The following MRPS27 variants were observed in gnomAD, a reference collection of about 807,000 sequenced individuals.
The protein encoded by MRPS27 is small ribosomal subunit protein mS27.
In MRPS27, 43 loss-of-function variants were observed where a neutral mutation model predicts 48.9. The ratio of observed to expected loss-of-function variants is 0.88; its 90% CI spans 0.69 to 1.13. MRPS27 has a LOEUF of 1.13. Among genes scored for constraint, MRPS27 ranks in the 50% most tolerant of loss-of-function variants. The pLI is 0.00. For synonymous variants in MRPS27, 188 were observed against 171.9 expected (o/e 1.09, Z -0.73); for missense variants, 467 against 476.3 (o/e 0.98, Z 0.18).
intron 4 of MRPS27, among the ~76,000 whole-genome samples, chr5:72,279,629 C>G (rs572867053): frequency 6.6e-6 from 1 of 151,788 alleles, no homozygotes; most frequent in African/African-American, 2.4e-5. Context: ...ACAACAACAA[C>G]AAAAACCATT....
intron 4 of MRPS27, among the ~76,000 whole-genome samples, chr5:72,285,495 C>T (rs1239133563): frequency 2.0e-5 from 3 of 152,112 alleles, no homozygotes; most frequent in Admixed American, 1.3e-4. Flanking sequence ...TGATCTTCAA[C>T]CATCTAATAA....
chr5:72,292,660 G>C (rs1395142114), intron 4 of MRPS27, among the ~76,000 whole-genome samples: 2 of 152,158 alleles, frequency 1.3e-5, no homozygotes, highest in Non-Finnish European at 2.9e-5. Flanking sequence ...GATCATTCAA[G>C]GTTTCTAAAC....
At chr5:72,262,462 A>G (rs1749007316) in intron 4 of MRPS27, among the ~76,000 whole-genome samples, 1 of 152,236 alleles carries the variant, frequency 6.6e-6, no homozygotes, top group African/African-American at 2.4e-5. Flanking sequence ...AGAATTCAGC[A>G]AACAATAAAT....
chr5:72,256,064 T>G (rs1348944337), intron 4 of MRPS27, among the ~76,000 whole-genome samples: 1 of 152,244 alleles, frequency 6.6e-6, no homozygotes, highest in African/African-American at 2.4e-5. Flanking sequence ...GTTTCTCTCC[T>G]GATCCTGGAA....
At chr5:72,241,165 T>C (rs933095402) in intron 4 of MRPS27, among the ~76,000 whole-genome samples, 1 of 152,196 alleles carries the variant, frequency 6.6e-6, no homozygotes, top group Non-Finnish European at 1.5e-5. Flanking sequence ...TGCCTCCTTC[T>C]TTATTTCTGT....
At chr5:72,264,469 G>A (rs1749060897) in intron 4 of MRPS27, among the ~76,000 whole-genome samples, 1 of 152,270 alleles carries the variant, frequency 6.6e-6, no homozygotes, top group African/African-American at 2.4e-5. Flanking sequence ...AAAAATATAG[G>A]TTGAAGTTCT....
intron 1 of MRPS27, 104 bp from the exon 2 acceptor site, chr5:72,314,262 ATATTTTAAATAATC>A: frequency 1.3e-6 from 1 of 761,168 alleles, no homozygotes; most frequent in Non-Finnish European, 2.1e-6. Flanking sequence ...ACTAGATTAT[ATATTTTAAATAATC>A]TAATACAGTA....
chr5:72,308,088 C>G (rs372112098), intron 2 of MRPS27: 1 of 152,246 alleles, frequency 6.6e-6, no homozygotes, highest in South Asian at 2.1e-4. Flanking sequence ...CGCCGGGGCC[C>G]TCTGGACGCA....
intron 9 of MRPS27, among the ~76,000 whole-genome samples, chr5:72,224,193 T>C (rs946230628): frequency 2.0e-5 from 3 of 146,772 alleles, no homozygotes; most frequent in African/African-American, 7.7e-5. Context: ...GGAGACTCCA[T>C]CACTTAAAAA....
intron 4 of MRPS27, among the ~76,000 whole-genome samples, chr5:72,254,742 A>T (rs1261580904): frequency 6.6e-6 from 1 of 152,162 alleles, no homozygotes; most frequent in East Asian, 1.9e-4. Flanking sequence ...AACATTACAC[A>T]AGCCATGTCA....
intron 4 of MRPS27, among the ~76,000 whole-genome samples, chr5:72,277,021 A>C (rs779603466): frequency 5.9e-5 from 9 of 151,744 alleles, no homozygotes; most frequent in Admixed American, 2.0e-4. Flanking sequence ...ACAGAATGAG[A>C]CTCCATCTCC....
chr5:72,314,588 C>A (rs1011175073), intron 1 of MRPS27: 1 of 167,754 alleles, frequency 6.0e-6, no homozygotes, highest in Non-Finnish European at 1.3e-5. Context: ...AGTGTGGACA[C>A]TTGATCGGTA....
At chr5:72,243,733 T>A (rs1748427993) in intron 4 of MRPS27, among the ~76,000 whole-genome samples, 1 of 152,200 alleles carries the variant, frequency 6.6e-6, no homozygotes. Context: ...GAATTCACTA[T>A]CTACCTTCAC....
At chr5:72,230,730 C>G (rs1748038695) in intron 7 of MRPS27, among the ~76,000 whole-genome samples, 1 of 152,150 alleles carries the variant, frequency 6.6e-6, no homozygotes, top group Non-Finnish European at 1.5e-5. Flanking sequence ...CAAAATGCAA[C>G]ATGTTCAGAG....
At chr5:72,233,230 G>C (rs1431219881) in intron 6 of MRPS27, among the ~76,000 whole-genome samples, 1 of 152,134 alleles carries the variant, frequency 6.6e-6, no homozygotes, top group Non-Finnish European at 1.5e-5. Flanking sequence ...ATAAGCCCCT[G>C]AGTATAACAC....
At chr5:72,223,514 GTTTCT>G (rs755087672) in intron 10 of MRPS27, among the ~76,000 whole-genome samples, 164 bp downstream of exon 10, 7 of 152,244 alleles carry the variant, frequency 4.6e-5, no homozygotes, top group South Asian at 4.1e-4. Flanking sequence ...AATTCCATTG[GTTTCT>G]TTTAAGACCA....
intron 10 of MRPS27, among the ~76,000 whole-genome samples, chr5:72,222,110 G>A (rs1747760330): frequency 6.6e-6 from 1 of 152,166 alleles, no homozygotes; most frequent in African/African-American, 2.4e-5. Flanking sequence ...GAGGCCTAGT[G>A]TGAGAGTCAA....
At chr5:72,250,085 T>C (rs1286650248) in intron 4 of MRPS27, among the ~76,000 whole-genome samples, 2 of 152,268 alleles carry the variant, frequency 1.3e-5, no homozygotes, top group Non-Finnish European at 2.9e-5. Context: ...TCATAGGTAA[T>C]TTCCCATGTA....
chr5:72,293,171 A>G (rs945790582), intron 4 of MRPS27, among the ~76,000 whole-genome samples: 3 of 152,214 alleles, frequency 2.0e-5, no homozygotes, highest in Non-Finnish European at 2.9e-5. Context: ...GTGGAAAGCA[A>G]GAGTGAGGCA....
Sources: gnomAD v4.1 joint callset for allele counts (sites outside exome capture counted in the v4.1 genomes callset) on GRCh38, gnomAD v4.1.1 for gene constraint, MANE v1.5 for transcripts, NCBI Gene and HGNC (gene_info 2026-07-23, HGNC 2026-07-21) for gene names.